Variants in SYCP1 observed in about 807,000 individuals in gnomAD.
SYCP1 encodes the protein synaptonemal complex protein 1, also known as cancer/testis antigen 8.
A neutral mutation model predicts 153.1 loss-of-function variants in SYCP1; 64 were observed. The observed-to-expected ratio is 0.42, with a 90% CI of 0.34 to 0.51. The LOEUF (loss-of-function observed/expected upper bound fraction) is 0.51, where lower values mean the gene tolerates loss of function less well. Among genes scored for constraint, SYCP1 ranks in the 20% least tolerant of loss-of-function variants. The pLI, the probability that SYCP1 is intolerant of heterozygous loss-of-function variation, is 0.06. For synonymous variants in SYCP1, 384 were observed against 341.8 expected (o/e 1.12, Z -1.36); for missense variants, 997 against 1,049.0 (o/e 0.95, Z 0.68).
chr1:114,913,241 G>C (rs370277412), intron 19 of SYCP1, 91 bp downstream of exon 19: 1 of 1,027,348 alleles, frequency 9.7e-7, no homozygotes. Flanking sequence ...GACCTTTAAA[G>C]TCTGATTGCT....
At chr1:114,988,185 A>C (rs1241583530) in intron 30 of SYCP1, among the ~76,000 whole-genome samples, 3 of 151,606 alleles carry the variant, frequency 2.0e-5, no homozygotes, top group Non-Finnish European at 4.4e-5. Context: ...TAGGAATTCC[A>C]GAAGGAGAAG....
At chr1:114,949,279 G>GA (rs1381396500) in intron 27 of SYCP1, among the ~76,000 whole-genome samples, 4 of 152,080 alleles carry the variant, frequency 2.6e-5, no homozygotes, top group Non-Finnish European at 5.9e-5. Flanking sequence ...CTATAATGAG[G>GA]AAAAAATCAG....
intron 24 of SYCP1, 30 bp downstream of exon 24, chr1:114,944,485 A>G (rs759699499): frequency 8.2e-7 from 1 of 1,221,030 alleles, no homozygotes; most frequent in Non-Finnish European, 1.2e-6. Context: ...TTAAGAACTT[A>G]TTATACTAAA....
At chr1:114,874,372 T>C (rs1275739729) in intron 8 of SYCP1, 134 bp from the exon 9 acceptor site, 1 of 533,562 alleles carries the variant, frequency 1.9e-6, no homozygotes, top group African/African-American at 2.0e-5. Flanking sequence ...GACCCAGTAA[T>C]GATTTAGATA....
chr1:114,881,608 T>G (rs1362030984), intron 12 of SYCP1, among the ~76,000 whole-genome samples: 2 of 151,574 alleles, frequency 1.3e-5, no homozygotes, highest in Non-Finnish European at 2.9e-5. Flanking sequence ...CCTCAAGTGA[T>G]CCTCCCAACC....
At chr1:114,931,484 AG>A (rs1166050827) in intron 23 of SYCP1, among the ~76,000 whole-genome samples, 1 of 152,164 alleles carries the variant, frequency 6.6e-6, no homozygotes, top group African/African-American at 2.4e-5. Flanking sequence ...TACCATTTAC[AG>A]TAGCATAAAA....
intron 27 of SYCP1, among the ~76,000 whole-genome samples, chr1:114,948,651 GC>G (rs1239899472): frequency 1.3e-5 from 2 of 152,022 alleles, no homozygotes; most frequent in Non-Finnish European, 2.9e-5. Context: ...TTCACTCTGT[GC>G]CCCCTGTTAT....
chr1:114,948,320 TTTA>T (rs1205732680), intron 27 of SYCP1, among the ~76,000 whole-genome samples: 2 of 152,174 alleles, frequency 1.3e-5, no homozygotes, highest in East Asian at 3.8e-4. Flanking sequence ...TATCCCACAA[TTTA>T]TTATTATCTT....
chr1:114,961,907 CT>C (rs975478810), intron 27 of SYCP1, among the ~76,000 whole-genome samples: 2 of 150,570 alleles, frequency 1.3e-5, no homozygotes, highest in African/African-American at 4.9e-5. Context: ...GATTTTCTGT[CT>C]TGATGACCTG....
chr1:114,894,047 A>G (rs1341410147), intron 15 of SYCP1, among the ~76,000 whole-genome samples: 1 of 150,282 alleles, frequency 6.7e-6, no homozygotes, highest in South Asian at 2.1e-4. Context: ...GTTCTTTTAT[A>G]TATATTTTTT....
At chr1:114,867,307 TATTGGG>T (rs1443653177) in intron 8 of SYCP1, among the ~76,000 whole-genome samples, 1 of 152,142 alleles carries the variant, frequency 6.6e-6, no homozygotes, top group Non-Finnish European at 1.5e-5. Context: ...CTGAGATTTT[TATTGGG>T]ATTGCATTGA....
chr1:114,903,964 A>G (rs932456652), intron 16 of SYCP1, among the ~76,000 whole-genome samples: 1 of 152,180 alleles, frequency 6.6e-6, no homozygotes, highest in African/African-American at 2.4e-5. Flanking sequence ...TTCATTTGCC[A>G]ATATTGCAGT....
chr1:114,984,106 C>T (rs989570320), intron 29 of SYCP1, among the ~76,000 whole-genome samples: 1 of 151,854 alleles, frequency 6.6e-6, no homozygotes, highest in African/African-American at 2.4e-5. Flanking sequence ...TGGGGTCTTG[C>T]TATGTTGCTC....
intron 15 of SYCP1, among the ~76,000 whole-genome samples, chr1:114,889,722 C>G (rs562821429): frequency 8.5e-5 from 13 of 152,110 alleles, no homozygotes; most frequent in Non-Finnish European, 1.8e-4. Context: ...TCCCATTTAT[C>G]AATTTTGGCT....
At chr1:114,966,143 AG>A (rs1307891764) in intron 27 of SYCP1, among the ~76,000 whole-genome samples, 2 of 152,036 alleles carry the variant, frequency 1.3e-5, no homozygotes, top group Non-Finnish European at 2.9e-5. Context: ...AGGTGTTTAT[AG>A]TATTCTCTGA....
At chr1:114,862,882 C>G (rs1478273449) in intron 8 of SYCP1, 3 of 151,638 alleles carry the variant, frequency 2.0e-5, no homozygotes, top group African/African-American at 7.3e-5. Context: ...TTTTTTCTTT[C>G]TTTTATTCAT....
At chr1:114,863,696 T>G (rs960893357) in intron 8 of SYCP1, among the ~76,000 whole-genome samples, 1 of 152,162 alleles carries the variant, frequency 6.6e-6, no homozygotes, top group African/African-American at 2.4e-5. Context: ...GATGATGAGC[T>G]TTTTTTCACA....
chr1:114,857,135 T>TAAAAAAA (rs1664024990), intron 3 of SYCP1, 97 bp from the exon 4 acceptor site: 1 of 276,648 alleles, frequency 3.6e-6, no homozygotes, highest in Non-Finnish European at 5.5e-6. Flanking sequence ...CCTCTCTCTC[T>TAAAAAAA]CAAAAAAAAA....
chr1:114,885,706 T>C (rs2101545005), intron 13 of SYCP1, 77 bp downstream of exon 13: 1 of 821,636 alleles, frequency 1.2e-6, no homozygotes, highest in Non-Finnish European at 1.9e-6. Flanking sequence ...TAAATACTAA[T>C]ACAATGTACA....
Sources: allele counts gnomAD v4.1 joint callset (sites outside exome capture counted in the v4.1 genomes callset), GRCh38; gene constraint gnomAD v4.1.1; transcripts MANE v1.5; gene names NCBI Gene and HGNC (gene_info 2026-07-23, HGNC 2026-07-21).